The following CNKSR2 variants were observed in gnomAD, a reference collection of about 807,000 sequenced individuals.
The protein encoded by CNKSR2 is CNK homolog protein 2.
CNKSR2 carries 14 observed loss-of-function variants against 84.4 expected under a neutral mutation model. The ratio of observed to expected loss-of-function variants is 0.17; its 90% CI spans 0.11 to 0.26. The LOEUF (loss-of-function observed/expected upper bound fraction) is 0.26. CNKSR2 is among the 10% of genes least tolerant of loss of function. CNKSR2 has a pLI of 1.00. For synonymous variants in CNKSR2, 275 were observed against 277.9 expected, an observed-to-expected ratio of 0.99 and a Z score of 0.10; for missense variants, 485 against 771.2, an observed-to-expected ratio of 0.63 and a Z score of 4.40.
intron 1 of CNKSR2, chrX:21,423,901 T>C (rs955059245): frequency 9.0e-6 from 1 of 111,307 alleles, no homozygotes; most frequent in African/African-American, 3.3e-5. Context: ...TTTTAATAAC[T>C]GTATGTTTCT....
At chrX:21,516,826 C>G (rs1230741596) in intron 9 of CNKSR2, among the ~76,000 whole-genome samples, 195 bp downstream of exon 9, 1 of 110,458 alleles carries the variant, frequency 9.1e-6, no homozygotes, top group Non-Finnish European at 1.9e-5. Flanking sequence ...ATCTAAAACC[C>G]AAATGAAAAA....
At chrX:21,430,547 A>C (rs2090621572) in intron 2 of CNKSR2, among the ~76,000 whole-genome samples, 1 of 111,945 alleles carries the variant, frequency 8.9e-6, no homozygotes, top group South Asian at 3.7e-4. Context: ...AGAGATTACT[A>C]TAATTTGTTG....
At position 21,439,180 on chromosome X, in the gene CNKSR2, C is replaced by G. The variant is rs1304214547; in HGVS notation, c.432-1514C>G. Among the ~76,000 whole-genome samples the G allele has an allele frequency of 2.7e-5, 3 of 110,988 alleles. No homozygotes were observed. In the East Asian group the frequency reaches 8.4e-4, roughly 31 times the overall value. Reference sequence around the variant, plus strand: ...TCACCAAGATAGACCATATCTGTATCATAAAACAAAATTCAACAAGTTTAA... The same window carrying G: ...TCACCAAGATAGACCATATCTGTATGATAAAACAAAATTCAACAAGTTTAA... On this transcript the variant is annotated intron_variant, in intron 3 of 21. Transcript: ENST00000379510.
In CNKSR2 at chrX:21,374,594, GGCAGCAGCAGCAGCAGCA is replaced by G. The variant is rs3217648; in HGVS notation, c.-283_-266del. ...ACGGAGACCGGAGCGGAGCGGCGGA[GGCAGCAGCAGCAGCAGCA>G]GCAGCAGCAGCAGCAGCAGCCGCCG... On this transcript the variant is annotated 5_prime_UTR_variant, in exon 1 of 22. Coordinates refer to ENST00000379510, the MANE Select transcript of CNKSR2 (RefSeq NM_014927.5). The G allele has an allele frequency of 1.8e-4, 84 of 456,277 alleles. No individual in the cohort carries two copies. Among genetic ancestry groups the G allele is most frequent in the African/African-American group, 5.7e-4 (22 of 38,458 alleles). The allele number at this position is 456,277 out of a possible 1,213,427, so 37.6% of individuals were successfully genotyped here. A position where few individuals can be genotyped will look rare whatever the true frequency, so the allele number is the denominator to read the frequency against.
rs762990349 is a variant in CNKSR2, at chrX:21,642,909, C to CAT, written c.2693-5912_2693-5911dup. ...AACCATTTTAATGTGTTTTTTAAAACATATATATATAATGATGGTTCTGGT... is the reference window on the plus strand; with the variant it reads ...AACCATTTTAATGTGTTTTTTAAAACATATATATATATAATGATGGTTCTGGT... On this transcript the variant is annotated intron_variant, in intron 20 of 21. Coordinates refer to ENST00000379510, the MANE Select transcript of CNKSR2 (RefSeq NM_014927.5). 261 of 583,861 alleles carry CAT rather than the reference C, an allele frequency of 4.5e-4. No homozygotes were observed. In the African/African-American group the frequency reaches 6.1e-3, roughly 14 times the overall value. 48.1% of individuals were successfully genotyped at this position (583,861 alleles called of 1,213,427 possible). A position where few individuals can be genotyped will look rare whatever the true frequency, so the allele number is the denominator to read the frequency against.
intron 8 of CNKSR2, among the ~76,000 whole-genome samples, chrX:21,512,833 T>C (rs2091688051): frequency 9.0e-6 from 1 of 111,695 alleles, no homozygotes; most frequent in African/African-American, 3.3e-5. Context: ...CTTGTATTCA[T>C]GTAAGCTACC....
intron 11 of CNKSR2, among the ~76,000 whole-genome samples, chrX:21,543,138 A>G (rs997559802): frequency 1.8e-5 from 2 of 112,615 alleles, no homozygotes; most frequent in African/African-American, 6.4e-5. Context: ...TAGCGTCTGT[A>G]GGTTCCAGGG....
chrX:21,522,109 GATT>G (rs2091790593), intron 9 of CNKSR2, among the ~76,000 whole-genome samples: 2 of 110,897 alleles, frequency 1.8e-5, no homozygotes, highest in African/African-American at 6.5e-5. Context: ...CATTTGCTTA[GATT>G]ATTAAGAGAG....
At chrX:21,509,763 C>T (rs1030123700) in intron 8 of CNKSR2, among the ~76,000 whole-genome samples, 2 of 111,228 alleles carry the variant, frequency 1.8e-5, no homozygotes, top group African/African-American at 6.5e-5. Context: ...AGATGGATTT[C>T]GTAGATTGGT....
chrX:21,378,921 C>T (rs1051102248), intron 1 of CNKSR2, among the ~76,000 whole-genome samples: 2 of 112,019 alleles, frequency 1.8e-5, no homozygotes, highest in Non-Finnish European at 1.9e-5. Context: ...CTTTTCTCAA[C>T]CCATTCCACA....
intron 9 of CNKSR2, among the ~76,000 whole-genome samples, chrX:21,517,612 GA>G (rs895113114): frequency 1.8e-5 from 2 of 110,753 alleles, no homozygotes; most frequent in African/African-American, 6.6e-5. Flanking sequence ...AGGATGTAAT[GA>G]TTTTTTTTCT....
chrX:21,415,825 T>C (rs2090410921), intron 1 of CNKSR2, among the ~76,000 whole-genome samples: 1 of 74,449 alleles, frequency 1.3e-5, no homozygotes, highest in African/African-American at 5.3e-5. Context: ...AATACATATA[T>C]ACATATATAC....
rs770128634 is a variant in CNKSR2 at position 21,619,435 on chromosome X, G to C, written c.2692+9818G>C. 2.7e-5 allele frequency among the ~76,000 whole-genome samples: 3 copies of C among 111,322 alleles called. No individual in the cohort carries two copies. In the South Asian group the frequency reaches 1.1e-3, roughly 42 times the overall value. On this transcript the variant is annotated intron_variant, in intron 20 of 21. Coordinates refer to ENST00000379510, the MANE Select transcript of CNKSR2 (RefSeq NM_014927.5). Reference sequence around the variant, plus strand: ...AATTTGAACCTTAAAATTTTAAATAGTTTTTCATTTCCTTCCACATTTGAA... The same window carrying C: ...AATTTGAACCTTAAAATTTTAAATACTTTTTCATTTCCTTCCACATTTGAA...
intron 11 of CNKSR2, among the ~76,000 whole-genome samples, chrX:21,553,511 C>T (rs1420553676): frequency 2.0e-5 from 2 of 102,199 alleles, no homozygotes; most frequent in Non-Finnish European, 4.0e-5. Flanking sequence ...CCTACATTGT[C>T]AATAAAAGTG....
intron 20 of CNKSR2, among the ~76,000 whole-genome samples, chrX:21,625,895 T>G (rs1167767424): frequency 8.9e-6 from 1 of 111,997 alleles, no homozygotes; most frequent in Admixed American, 9.5e-5. Context: ...AATACTGAGA[T>G]TTTGAATTAA....
chrX:21,467,101 C>T (rs1464977497), intron 4 of CNKSR2, among the ~76,000 whole-genome samples: 1 of 111,571 alleles, frequency 9.0e-6, no homozygotes, highest in Non-Finnish European at 1.9e-5. Context: ...TTGGAGTGAG[C>T]TGGCAGATAA....
intron 16 of CNKSR2, 22 bp from the exon 17 acceptor site, chrX:21,595,302 T>C (rs1157732723): frequency 8.9e-7 from 1 of 1,125,860 alleles, no homozygotes; most frequent in Non-Finnish European, 1.2e-6. Context: ...TTGTAATAAA[T>C]GTACTTTGTT....
At chrX:21,387,152 T>C (rs1601720705) in intron 1 of CNKSR2, among the ~76,000 whole-genome samples, 1 of 112,224 alleles carries the variant, frequency 8.9e-6, no homozygotes, top group Non-Finnish European at 1.9e-5. Context: ...CTTAAACATA[T>C]GCATACTGGA....
intron 15 of CNKSR2, chrX:21,592,576 G>C (rs966297511): frequency 9.0e-6 from 1 of 111,257 alleles, no homozygotes; most frequent in Non-Finnish European, 1.9e-5. Flanking sequence ...TGAAAAAAAT[G>C]TGTGCTATTA....
Sources: allele counts gnomAD v4.1 joint callset (sites outside exome capture counted in the v4.1 genomes callset), GRCh38; gene constraint gnomAD v4.1.1; transcripts MANE v1.5; gene names NCBI Gene and HGNC (gene_info 2026-07-23, HGNC 2026-07-21).